Variants in PXDN observed in about 807,000 individuals in gnomAD.
PXDN encodes the protein peroxidasin.
Under a neutral mutation model 140.3 loss-of-function variants are expected in PXDN, and 77 were observed. The observed-to-expected ratio is 0.55, with a 90% CI of 0.46 to 0.66. The LOEUF (loss-of-function observed/expected upper bound fraction) is 0.66, where lower values mean the gene tolerates loss of function less well. Ranked by LOEUF, PXDN falls within the 30% of genes least tolerant of loss-of-function variation. The pLI is 0.00. For synonymous variants in PXDN, 911 were observed against 857.4 expected (o/e 1.06, Z -1.09); for missense variants, 1,838 against 2,039.5 (o/e 0.90, Z 1.90).
At chr2:1,644,783 C>T (rs1572119207) in intron 17 of PXDN, 31 bp from the exon 18 acceptor site, 1 of 1,444,202 alleles carries the variant, frequency 6.9e-7, no homozygotes, top group Non-Finnish European at 9.2e-7. Context: ...TGAAATCTAC[C>T]TAACAAAGCT....
At chr2:1,720,754 G>A (rs561435042) in intron 1 of PXDN, among the ~76,000 whole-genome samples, 10 of 138,538 alleles carry the variant, frequency 7.2e-5, no homozygotes, top group African/African-American at 2.9e-4. Context: ...ACACACACAC[G>A]TACACATATC....
chr2:1,637,248 C>T (rs1682583160), intron 21 of PXDN, among the ~76,000 whole-genome samples: 1 of 152,222 alleles, frequency 6.6e-6, no homozygotes. Context: ...CAGGCCCCAG[C>T]ACGGACCCCA....
intron 1 of PXDN, among the ~76,000 whole-genome samples, chr2:1,706,654 G>C (rs79341049): frequency 1.3e-4 from 9 of 69,998 alleles, no homozygotes; most frequent in East Asian, 3.5e-4. Flanking sequence ...GCATGCTTCA[G>C]TGTTCACCAA....
chr2:1,731,147 C>CGT (rs1406594347), intron 1 of PXDN, among the ~76,000 whole-genome samples: 2,514 of 60,460 alleles, frequency 0.042, 43 homozygotes, highest in African/African-American at 0.11. Context: ...GTTGAGAGCG[C>CGT]GCGCGCACAC....
chr2:1,675,824 A>T (rs898811203), intron 8 of PXDN, among the ~76,000 whole-genome samples: 1 of 109,148 alleles, frequency 9.2e-6, no homozygotes, highest in East Asian at 3.6e-4. Context: ...ACTCAGTTTG[A>T]GCCCGAGTAT....
Position 1,685,138 on chromosome 2 carries a change from G to A in PXDN, c.417-987C>T, listed in dbSNP as rs890758872. Reference sequence around the variant, plus strand: ...GAGTGCGGCTGCCAGGGCCCGCCCCGTCCCGGGGCCAGCTCCCCAGGCAGC... The same window carrying A: ...GAGTGCGGCTGCCAGGGCCCGCCCCATCCCGGGGCCAGCTCCCCAGGCAGC... On this transcript the variant is annotated intron_variant, in intron 4 of 22. Coordinates refer to ENST00000252804, the MANE Select transcript of PXDN (RefSeq NM_012293.3). The surrounding 1 kb of genome is among the most constrained non-coding windows in gnomAD (Gnocchi z 5.1). Among the ~76,000 whole-genome samples, 10 of 152,332 alleles carry A rather than the reference G, an allele frequency of 6.6e-5. No homozygotes were observed. Among genetic ancestry groups the A allele is most frequent in the South Asian group, 2.1e-4 (1 of 4,832 alleles).
chr2:1,665,156 T>G, intron 10 of PXDN, 82 bp from the exon 11 acceptor site: 1 of 1,030,776 alleles, frequency 9.7e-7, no homozygotes, highest in South Asian at 1.4e-5. Context: ...GACCACAGTC[T>G]TGGCAGACGT....
At position 1,687,403 on chromosome 2, in the gene PXDN, C is replaced by G. The variant is rs1041126401; in HGVS notation, c.416+229G>C. ...AGGGCCTGGTGCCGCCGTAAGGAAA[C>G]CAGGGATACGTCCTGAGGGGTGGGT... On this transcript the variant is annotated intron_variant, in intron 4 of 22. Coordinates refer to ENST00000252804, the MANE Select transcript of PXDN (RefSeq NM_012293.3). This position sits in a 1 kb window ranked among gnomAD's most constrained non-coding sequence, Gnocchi z 4.0. 4.6e-5 allele frequency among the ~76,000 whole-genome samples: 7 copies of G among 152,140 alleles called. No individual in the cohort carries two copies. The highest frequency in any genetic ancestry group is 1.7e-4 in the African/African-American group (7 of 41,424).
chr2:1,643,476 T>A lies in PXDN; in HGVS notation c.3844A>T (p.Thr1282Ser). The A allele has an allele frequency of 3.7e-6, 6 of 1,613,802 alleles. No homozygotes were observed. Among genetic ancestry groups the A allele is most frequent in the Non-Finnish European group, 5.1e-6 (6 of 1,179,878 alleles). ...RILCDNADNI[T>S]RVQSDVFRVA... ...CTGAACACGTCGCTCTGCACCCGGG[T>A]GATGTTGTCCGCGTTGTCGCATAGG... Residue 1282 changes from threonine (T) to serine (S), a missense_variant, in exon 19 of 23, where the codon ACC becomes TCC. This residue lies in a region of PXDN where 850 missense variants were observed against 894.1 expected (regional missense o/e 0.95). Coordinates refer to ENST00000252804, the MANE Select transcript of PXDN (RefSeq NM_012293.3).
intron 1 of PXDN, among the ~76,000 whole-genome samples, chr2:1,715,702 A>C (rs1450619962): frequency 6.6e-6 from 1 of 152,172 alleles, no homozygotes; most frequent in African/African-American, 2.4e-5. Context: ...AGGGAAATGC[A>C]GAGTGGACCA....
intron 1 of PXDN, among the ~76,000 whole-genome samples, chr2:1,726,735 C>A (rs1685195296): frequency 6.6e-6 from 1 of 152,088 alleles, no homozygotes; most frequent in Non-Finnish European, 1.5e-5. Flanking sequence ...TATTTATCTC[C>A]CAACCTATAG....
In PXDN at chr2:1,744,393, G is replaced by A; in HGVS notation, c.63C>T (p.Ala21=). The A allele has an allele frequency of 6.6e-7, 1 of 1,524,944 alleles. No individual in the cohort carries two copies. The highest frequency in any genetic ancestry group is 8.8e-7 in the Non-Finnish European group (1 of 1,142,762). 94.5% of individuals were successfully genotyped at this position (1,524,944 alleles called of 1,614,324 possible). A position where few individuals can be genotyped will look rare whatever the true frequency, so the allele number is the denominator to read the frequency against. ...RCLLALVLFC[A]WGTLAVVAQK... Reference sequence around the variant, plus strand: ...GGGCCACCACGGCCAGCGTCCCCCAGGCGCAGAACAGCACGAGCGCCAACA... The same window carrying A: ...GGGCCACCACGGCCAGCGTCCCCCAAGCGCAGAACAGCACGAGCGCCAACA... Residue 21 remains alanine, a synonymous_variant, in exon 1 of 23, where the codon GCC becomes GCT. Coordinates refer to ENST00000252804, the MANE Select transcript of PXDN (RefSeq NM_012293.3).
At position 1,648,102 on chromosome 2, in the gene PXDN, C is replaced by A; in HGVS notation, c.3608+70G>T. ...AACTCACACACAGAGACAAATAACA[C>A]ACACACCACAGTTCAGGTGTTCCAG... On this transcript the variant is annotated intron_variant, in intron 17 of 22. Transcript: ENST00000252804. The surrounding 1 kb of genome is among the most constrained non-coding windows in gnomAD (Gnocchi z 8.9). 1.3e-6 allele frequency: 2 copies of A among 1,530,038 alleles called. No individual in the cohort carries two copies. The highest frequency in any genetic ancestry group is 8.9e-7 in the Non-Finnish European group (1 of 1,125,126). 94.8% of individuals were successfully genotyped at this position (1,530,038 alleles called of 1,614,324 possible).
intron 1 of PXDN, among the ~76,000 whole-genome samples, chr2:1,725,999 C>T (rs1432915671): frequency 6.6e-6 from 1 of 150,978 alleles, no homozygotes; most frequent in Non-Finnish European, 1.5e-5. Flanking sequence ...ACTAGTTCAA[C>T]CCTTGTGGAA....
chr2:1,666,489 G>A lies in PXDN; in HGVS notation c.1019-3C>T. 3 of 1,586,284 alleles carry A rather than the reference G, an allele frequency of 1.9e-6. No homozygotes were observed. The highest frequency in any genetic ancestry group is 1.7e-6 in the Non-Finnish European group (2 of 1,158,930). ...CTGGATTACAAAAGTGGGTCGAGCT[G>A]TCACAATTAAACAGAAATTCTCAAT... On this transcript the variant is annotated splice_region_variant and splice_polypyrimidine_tract_variant and intron_variant, in intron 9 of 22. Coordinates refer to ENST00000252804, the MANE Select transcript of PXDN (RefSeq NM_012293.3).
In PXDN at chr2:1,639,523, G is replaced by A. The variant is rs115891914; in HGVS notation, c.3953-101C>T. The A allele has an allele frequency of 2.4e-4, 375 of 1,551,812 alleles. No individual in the cohort carries two copies. The African/African-American group carries it at 4.8e-3, about 20-fold the overall frequency. ...TATGAAGTCTTCACTGGCTGCCCGT[G>A]GAACAAACTGTGGCACATTTCAGTG... On this transcript the variant is annotated intron_variant, in intron 19 of 22. Transcript: ENST00000252804. This position sits in a 1 kb window ranked among gnomAD's most constrained non-coding sequence, Gnocchi z 5.0.
At chr2:1,690,175 T>C (rs1016357936) in intron 3 of PXDN, among the ~76,000 whole-genome samples, 4 of 152,082 alleles carry the variant, frequency 2.6e-5, no homozygotes, top group African/African-American at 9.7e-5. Context: ...GGTGAAAGGG[T>C]CCCCGGGCCT....
intron 1 of PXDN, among the ~76,000 whole-genome samples, chr2:1,705,311 T>G (rs1684570035): frequency 6.6e-6 from 1 of 152,088 alleles, no homozygotes; most frequent in Admixed American, 6.5e-5. Flanking sequence ...GAGGGGTGAA[T>G]GTAGGAGGCA....
rs936910166 is a variant in PXDN, at chr2:1,662,068, C to T, written c.1680+4G>A. The T allele has an allele frequency of 8.8e-6, 14 of 1,583,666 alleles. No homozygotes were observed. Among genetic ancestry groups the T allele is most frequent in the Non-Finnish European group, 1.1e-5 (13 of 1,164,914 alleles). On this transcript the variant is annotated splice_donor_region_variant and intron_variant, in intron 13 of 22. Coordinates refer to ENST00000252804, the MANE Select transcript of PXDN (RefSeq NM_012293.3). Reference sequence around the variant, plus strand: ...GTGGCTGGCTCGGGCACCAGACCGCCTACCTTGTTCCAGGTGATGGCTGGC... The same window carrying T: ...GTGGCTGGCTCGGGCACCAGACCGCTTACCTTGTTCCAGGTGATGGCTGGC...
Sources: gnomAD v4.1 joint callset for allele counts (sites outside exome capture counted in the v4.1 genomes callset) on GRCh38, gnomAD v4.1.1 for gene constraint, gnomAD v4.1.1 regional missense constraint, Gnocchi (gnomAD v3.1) non-coding constraint, MANE v1.5 for transcripts, NCBI Gene and HGNC (gene_info 2026-07-23, HGNC 2026-07-21) for gene names.